CDH19: variants seen among roughly 807,000 people sequenced by gnomAD.
CDH19 encodes cadherin-19.
CDH19 carries 67 observed loss-of-function variants against 64.2 expected under a neutral mutation model. The observed-to-expected ratio is 1.04, with a 90% CI of 0.86 to 1.28. CDH19 has a LOEUF of 1.28. Ranked by LOEUF, CDH19 falls within the 50% of genes most tolerant of loss-of-function variation. CDH19 has a pLI of 0.00. For missense variants in CDH19, 1,030 were observed against 929.0 expected, an observed-to-expected ratio of 1.11 and a Z score of -1.41; for synonymous variants, 346 against 319.3, an observed-to-expected ratio of 1.08 and a Z score of -0.89.
At chr18:66,582,102 TTTGTTTACA>T (rs1988439557) in intron 1 of CDH19, among the ~76,000 whole-genome samples, 1 of 152,156 alleles carries the variant, frequency 6.6e-6, no homozygotes, top group Admixed American at 6.6e-5. Flanking sequence ...AATGGTTCAC[TTTGTTTACA>T]TTGAATAAAG....
At chr18:66,567,130 T>G (rs1298718742) in intron 3 of CDH19, among the ~76,000 whole-genome samples, 1 of 151,976 alleles carries the variant, frequency 6.6e-6, no homozygotes, top group African/African-American at 2.4e-5. Context: ...ATTTCTTATT[T>G]GTATATAACT....
chr18:66,501,272 T>G lies in CDH19; in HGVS notation c.*3540A>C, dbSNP rs570026706. The G allele has an allele frequency of 1.3e-5, 2 of 152,176 alleles. No individual in the cohort carries two copies. Among genetic ancestry groups the G allele is most frequent in the South Asian group, 4.1e-4 (2 of 4,828 alleles). The allele number at this position is 152,176 out of a possible 1,614,324, so 9.4% of individuals were successfully genotyped here. The stretch of plus-strand genomic sequence containing the variant: ...GATGATAAATGAACAAGACTGACAA[T>G]TTCTTGCCCATTAAGGGTTACATTC... On this transcript the variant is annotated 3_prime_UTR_variant, in exon 12 of 12. Transcript: ENST00000262150.
chr18:66,600,126 A>G (rs1276586544), intron 1 of CDH19, among the ~76,000 whole-genome samples: 3 of 151,910 alleles, frequency 2.0e-5, no homozygotes, highest in African/African-American at 7.2e-5. Context: ...AACAGCATTT[A>G]GTATAATCTA....
At chr18:66,542,213 T>C (rs1401506073) in intron 7 of CDH19, among the ~76,000 whole-genome samples, 1 of 152,182 alleles carries the variant, frequency 6.6e-6, no homozygotes, top group African/African-American at 2.4e-5. Context: ...TGTCTATGAC[T>C]AATTAAGAAC....
At chr18:66,589,641 C>G (rs1161824701) in intron 1 of CDH19, among the ~76,000 whole-genome samples, 1 of 151,296 alleles carries the variant, frequency 6.6e-6, no homozygotes, top group African/African-American at 2.4e-5. Context: ...GTAAGCACCA[C>G]TGCCAAATGG....
intron 3 of CDH19, among the ~76,000 whole-genome samples, chr18:66,559,969 A>C (rs1987660451): frequency 1.3e-5 from 2 of 151,978 alleles, no homozygotes; most frequent in African/African-American, 4.8e-5. Flanking sequence ...AAAAATAAGT[A>C]AAATTTGTAT....
chr18:66,598,547 C>T (rs1444164362), intron 1 of CDH19, among the ~76,000 whole-genome samples: 2 of 152,076 alleles, frequency 1.3e-5, no homozygotes, highest in East Asian at 3.9e-4. Context: ...TAGGATGGAA[C>T]TGGAGGCCAT....
chr18:66,524,866 T>A (rs1030068846), intron 9 of CDH19, among the ~76,000 whole-genome samples: 2 of 152,054 alleles, frequency 1.3e-5, no homozygotes, highest in African/African-American at 4.8e-5. Context: ...CAGGCTGAGA[T>A]TATATCAAAG....
chr18:66,520,257 C>A (rs1465334278), intron 9 of CDH19, among the ~76,000 whole-genome samples: 1 of 151,410 alleles, frequency 6.6e-6, no homozygotes, highest in Non-Finnish European at 1.5e-5. Context: ...AGAAATAGAG[C>A]AGCCTCAGTT....
chr18:66,569,084 T>C (rs551477644), intron 2 of CDH19, among the ~76,000 whole-genome samples: 6 of 151,742 alleles, frequency 4.0e-5, no homozygotes, highest in Non-Finnish European at 8.9e-5. Context: ...TTGAGATAGA[T>C]AGAAAGACAA....
rs1941739 is a variant in CDH19, at chr18:66,581,947, A to T, written c.-112-9631T>A. Among the ~76,000 whole-genome samples, 652 of 152,112 alleles carry T rather than the reference A, an allele frequency of 4.3e-3. 5 individuals are homozygous for T. Among genetic ancestry groups the T allele is most frequent in the African/African-American group, 0.015 (631 of 41,498 alleles). On this transcript the variant is annotated intron_variant, in intron 1 of 11. Coordinates refer to ENST00000262150, the MANE Select transcript of CDH19 (RefSeq NM_021153.4). ...TTACATCCCATATGCTAGGACTTAT[A>T]TTCAGTAATTTTAAGTGACCTGTCC...
chr18:66,573,137 C>G (rs1219570474), intron 1 of CDH19, among the ~76,000 whole-genome samples: 1 of 151,634 alleles, frequency 6.6e-6, no homozygotes, highest in African/African-American at 2.4e-5. Flanking sequence ...ACCTCTAATC[C>G]TTATATGTAA....
At chr18:66,547,661 G>GTTTTT (rs71169155) in intron 5 of CDH19, among the ~76,000 whole-genome samples, 31 of 80,166 alleles carry the variant, frequency 3.9e-4, no homozygotes, top group East Asian at 7.8e-4. Flanking sequence ...TGTGTGTTAG[G>GTTTTT]TTTTTTTTTT....
Position 66,572,220 on chromosome 18 carries a change from G to A in CDH19, c.-16C>T. The A allele has an allele frequency of 6.3e-7, 1 of 1,597,414 alleles. No homozygotes were observed. Among genetic ancestry groups the A allele is most frequent in the South Asian group, 1.1e-5 (1 of 90,258 alleles). On this transcript the variant is annotated 5_prime_UTR_variant, in exon 2 of 12. Transcript: ENST00000262150. ...AACAGTTCATTGCGTTGACTCTTTT[G>A]ATTCCAACTATTACTCTTCAGAGGA...
Position 66,544,351 on chromosome 18 carries a change from A to C in CDH19, c.961-127T>G, listed in dbSNP as rs550990030. On this transcript the variant is annotated intron_variant, in intron 6 of 11. Coordinates refer to ENST00000262150, the MANE Select transcript of CDH19 (RefSeq NM_021153.4). ...CAGTTAGATTTTTCTTTTTATGTAC[A>C]TGGATCTCTCTGATATAATTGTTAA... 9.0e-6 allele frequency: 7 copies of C among 775,678 alleles called. No homozygotes were observed. The African/African-American group carries it at 1.1e-4, about 12-fold the overall frequency. The allele number at this position is 775,678 out of a possible 1,614,324, so 48.0% of individuals were successfully genotyped here.
At chr18:66,579,940 A>C (rs1367425911) in intron 1 of CDH19, among the ~76,000 whole-genome samples, 1 of 152,034 alleles carries the variant, frequency 6.6e-6, no homozygotes, top group Non-Finnish European at 1.5e-5. Flanking sequence ...GAGAAAAAGT[A>C]TATTTTCTTT....
intron 4 of CDH19, among the ~76,000 whole-genome samples, chr18:66,554,112 T>C (rs1167885880): frequency 1.3e-5 from 2 of 151,966 alleles, no homozygotes; most frequent in African/African-American, 4.8e-5. Context: ...TAAATGTTTT[T>C]TCCCTATATT....
chr18:66,568,782 T>C (rs1332307109), intron 2 of CDH19, 72 bp from the exon 3 acceptor site: 1 of 1,233,162 alleles, frequency 8.1e-7, no homozygotes, highest in African/African-American at 1.5e-5. Context: ...AGATTTTCTT[T>C]TTATGTATGT....
chr18:66,538,818 C>T (rs1271292016), intron 7 of CDH19, among the ~76,000 whole-genome samples: 4 of 152,154 alleles, frequency 2.6e-5, no homozygotes, highest in Admixed American at 6.5e-5. Flanking sequence ...CACTTGTAGA[C>T]GCATCGCTCT....
Sources: allele counts gnomAD v4.1 joint callset (sites outside exome capture counted in the v4.1 genomes callset), GRCh38; gene constraint gnomAD v4.1.1; transcripts MANE v1.5; gene names NCBI Gene and HGNC (gene_info 2026-07-23, HGNC 2026-07-21).